The following FREM2 variants were observed in gnomAD, a reference collection of about 807,000 sequenced individuals.
The protein encoded by FREM2 is FRAS1-related extracellular matrix protein 2.
Under a neutral mutation model 219.9 loss-of-function variants are expected in FREM2, and 119 were observed. The ratio of observed to expected loss-of-function variants is 0.54; its 90% CI spans 0.47 to 0.63. The LOEUF is 0.63. FREM2 is among the 30% of genes least tolerant of loss of function. The pLI is 0.00. For synonymous variants in FREM2, 1,562 were observed against 1,522.8 expected (o/e 1.03, Z -0.60); for missense variants, 4,030 against 3,993.6 (o/e 1.01, Z -0.25).
intron 6 of FREM2, among the ~76,000 whole-genome samples, chr13:38,816,209 G>A (rs544208041): frequency 1.3e-5 from 2 of 152,154 alleles, no homozygotes; most frequent in Admixed American, 6.5e-5. Context: ...TGAAGAGGAA[G>A]GAATACTTCC....
At chr13:38,871,547 A>T (rs538614993) in intron 16 of FREM2, among the ~76,000 whole-genome samples, 28 of 152,298 alleles carry the variant, frequency 1.8e-4, no homozygotes, top group African/African-American at 6.7e-4. Flanking sequence ...TTGGAATACG[A>T]TGAAGTAAGA....
chr13:38,690,244 A>G lies in FREM2; in HGVS notation c.2900A>G (p.Asn967Ser), dbSNP rs138726274. The G allele has an allele frequency of 6.3e-5, 102 of 1,614,048 alleles. No individual in the cohort carries two copies. The Middle Eastern group carries it at 6.6e-4, about 10-fold the overall frequency. Residue 967 changes from asparagine to serine, a missense_variant, in exon 1 of 24, where the codon AAT becomes AGT. Asn to Ser is a conservative substitution (Grantham distance 46). Coordinates refer to ENST00000280481, the MANE Select transcript of FREM2 (RefSeq NM_207361.6). ...LENGATEITANVIKGTNEETD... is the reference protein window; with the variant it reads ...LENGATEITASVIKGTNEETD... The stretch of plus-strand genomic sequence containing the variant: ...AATGGGGCTACTGAAATCACTGCCA[A>G]TGTTATTAAGGGGACCAATGAGGAA...
chr13:38,843,199 G>C (rs372804608), intron 6 of FREM2, among the ~76,000 whole-genome samples: 184 of 152,214 alleles, frequency 1.2e-3, no homozygotes, highest in African/African-American at 4.3e-3. Context: ...GCTATGAGAT[G>C]TGTGGCTTTA....
intron 2 of FREM2, among the ~76,000 whole-genome samples, chr13:38,730,806 T>C (rs1871734560): frequency 6.6e-6 from 1 of 152,182 alleles, no homozygotes. Context: ...AGAAATATTA[T>C]TGTTTGTGTA....
At chr13:38,862,472 T>C (rs77340636) in intron 15 of FREM2, among the ~76,000 whole-genome samples, 3 of 152,326 alleles carry the variant, frequency 2.0e-5, no homozygotes, top group Non-Finnish European at 4.4e-5. Flanking sequence ...TAAGAGTTAT[T>C]TCCTAAAAGA....
At chr13:38,717,412 CTTTTT>C (rs386378868) in intron 2 of FREM2, among the ~76,000 whole-genome samples, 8 of 90,146 alleles carry the variant, frequency 8.9e-5, no homozygotes, top group African/African-American at 2.9e-4. Flanking sequence ...TACATAAGTA[CTTTTT>C]TTTTTTTTTT....
intron 6 of FREM2, among the ~76,000 whole-genome samples, chr13:38,840,726 A>G (rs965719550): frequency 2.1e-5 from 3 of 146,292 alleles, no homozygotes; most frequent in Non-Finnish European, 4.5e-5. Context: ...ACAGATATAT[A>G]TATATACACA....
At chr13:38,697,565 G>A (rs1262285174) in intron 1 of FREM2, 133 bp from the exon 2 acceptor site, 1 of 672,822 alleles carries the variant, frequency 1.5e-6, no homozygotes, top group Admixed American at 2.1e-5. Flanking sequence ...AAATAAGACA[G>A]CACTGTTTCT....
chr13:38,737,561 A>G (rs999159529), intron 2 of FREM2, among the ~76,000 whole-genome samples: 1 of 152,252 alleles, frequency 6.6e-6, no homozygotes, highest in Non-Finnish European at 1.5e-5. Context: ...AAACTAAGTG[A>G]CTGTTAAGAA....
In FREM2 at chr13:38,877,130, T is replaced by C; in HGVS notation, c.8558T>C (p.Val2853Ala). Reference sequence around the variant, plus strand: ...CTTTGGTTTTAGGTCAGTGATCCAGTGGCTGCTGAGTTTAGCTTGAACACC... The same window carrying C: ...CTTTGGTTTTAGGTCAGTGATCCAGCGGCTGCTGAGTTTAGCTTGAACACC... ...DIRFQQVSDPVAAEFSLNTQM... is the reference protein window; with the variant it reads ...DIRFQQVSDPAAAEFSLNTQM... The change falls in exon 21 of 24, where the codon GTG (valine) becomes GCG (alanine). Residue 2853 changes from valine to alanine, a missense_variant. Transcript: ENST00000280481. 6.2e-7 allele frequency: 1 copy of C among 1,614,134 alleles called. No homozygotes were observed. The highest frequency in any genetic ancestry group is 8.5e-7 in the Non-Finnish European group (1 of 1,179,970).
At chr13:38,750,117 T>G (rs148054037) in intron 2 of FREM2, among the ~76,000 whole-genome samples, 56 of 152,280 alleles carry the variant, frequency 3.7e-4, no homozygotes, top group African/African-American at 1.3e-3. Flanking sequence ...TCCAAGAAAT[T>G]TATTCGTCAT....
chr13:38,688,642 C>T lies in FREM2; in HGVS notation c.1298C>T (p.Pro433Leu). The change falls in exon 1 of 24, where the codon CCC becomes CTC. Residue 433 changes from proline to leucine, a missense_variant. Coordinates refer to ENST00000280481, the MANE Select transcript of FREM2 (RefSeq NM_207361.6). ...TTTGCCTTCATGGTAGTGGTGAAGC[C>T]CATGAACACAATGGCTCCGGTGGTC... ...DPFAFMVVVK[P>L]MNTMAPVVTR... 1 of 1,614,140 alleles carries T rather than the reference C, an allele frequency of 6.2e-7. No individual in the cohort carries two copies. Among genetic ancestry groups the T allele is most frequent in the Non-Finnish European group, 8.5e-7 (1 of 1,180,020 alleles).
chr13:38,849,254 C>T (rs1056262715), intron 8 of FREM2, among the ~76,000 whole-genome samples: 4 of 152,072 alleles, frequency 2.6e-5, no homozygotes, highest in African/African-American at 9.7e-5. Flanking sequence ...TTTATTCTTT[C>T]TCTCAAACCT....
At chr13:38,861,697 T>G in intron 15 of FREM2, 135 bp downstream of exon 15, 2 of 930,292 alleles carry the variant, frequency 2.1e-6, no homozygotes, top group Non-Finnish European at 3.5e-6. Flanking sequence ...TCCTTCCACT[T>G]CTTTCAACTG....
chr13:38,839,784 A>G (rs946499989), intron 6 of FREM2, among the ~76,000 whole-genome samples: 11 of 152,162 alleles, frequency 7.2e-5, no homozygotes, highest in African/African-American at 2.2e-4. Context: ...TCAAGCCTCA[A>G]TAATGGTGGA....
intron 6 of FREM2, among the ~76,000 whole-genome samples, chr13:38,834,654 G>T (rs1244775550): frequency 6.6e-6 from 1 of 152,178 alleles, no homozygotes; most frequent in Non-Finnish European, 1.5e-5. Context: ...TAACTGGCAT[G>T]AAATGGTGTT....
At chr13:38,859,620 C>A in intron 14 of FREM2, 30 bp downstream of exon 14, 1 of 1,583,342 alleles carries the variant, frequency 6.3e-7, no homozygotes, top group South Asian at 1.1e-5. Flanking sequence ...CCCTGAAGAT[C>A]ACTGGAATAC....
At chr13:38,758,127 T>C (rs1226595123) in intron 2 of FREM2, among the ~76,000 whole-genome samples, 2 of 152,222 alleles carry the variant, frequency 1.3e-5, no homozygotes, top group Non-Finnish European at 2.9e-5. Flanking sequence ...CACCTCTGGA[T>C]GATCCAGGGT....
At chr13:38,877,370 C>T (rs1347334542) in intron 21 of FREM2, 127 bp downstream of exon 21, 1 of 1,025,138 alleles carries the variant, frequency 9.8e-7, no homozygotes, top group Non-Finnish European at 1.5e-6. Flanking sequence ...GTAACTGGGT[C>T]TTTACCCACT....
Sources: allele counts gnomAD v4.1 joint callset (sites outside exome capture counted in the v4.1 genomes callset), GRCh38; gene constraint gnomAD v4.1.1; transcripts MANE v1.5; gene names NCBI Gene and HGNC (gene_info 2026-07-23, HGNC 2026-07-21).